Variants in NAALADL2 observed in about 807,000 individuals in gnomAD.
NAALADL2 encodes the protein inactive N-acetylated-alpha-linked acidic dipeptidase-like protein 2.
A neutral mutation model predicts 87.2 loss-of-function variants in NAALADL2; 76 were observed. That is an observed-to-expected ratio of 0.87 (90% CI 0.72 to 1.05). The LOEUF (loss-of-function observed/expected upper bound fraction) is 1.05. NAALADL2 is among the 50% of genes least tolerant of loss of function. NAALADL2 has a pLI of 0.00. For synonymous variants in NAALADL2, 354 were observed against 331.0 expected (o/e 1.07, Z -0.75); for missense variants, 1,089 against 945.8 (o/e 1.15, Z -1.99).
Position 174,829,222 on chromosome 3 carries a change from G to A in NAALADL2, c.-9+91476G>A, listed in dbSNP as rs867621139. ...GCTGGTGCGCTGCACCCACTAACTC[G>A]TCATCTAGCATTAGGTATATCTCCC... On this transcript the variant is annotated intron_variant, in intron 3 of 3. Transcript: ENST00000434257. Among the ~76,000 whole-genome samples the A allele has an allele frequency of 1.3e-4, 19 of 151,280 alleles. No individual in the cohort carries two copies. The Middle Eastern group carries it at 0.01, about 82-fold the overall frequency.
chr3:175,705,803 C>G (rs1739605215), intron 11 of NAALADL2, among the ~76,000 whole-genome samples: 3 of 152,056 alleles, frequency 2.0e-5, no homozygotes, highest in Non-Finnish European at 4.4e-5. Context: ...GTTAGCTTGA[C>G]CCAGACCCAG....
chr3:175,670,372 A>C (rs979567991), intron 11 of NAALADL2, among the ~76,000 whole-genome samples: 1 of 146,884 alleles, frequency 6.8e-6, no homozygotes, highest in Non-Finnish European at 1.5e-5. Flanking sequence ...TTTGTATTTT[A>C]ATCAAAATTA....
intron 3 of NAALADL2, among the ~76,000 whole-genome samples, chr3:174,748,810 C>A (rs1206638021): frequency 6.6e-6 from 1 of 152,114 alleles, no homozygotes; most frequent in Non-Finnish European, 1.5e-5. Flanking sequence ...ATCAGGTCTA[C>A]AATGCAATAA....
intron 13 of NAALADL2, among the ~76,000 whole-genome samples, chr3:175,775,618 T>A (rs1004219970): frequency 6.6e-6 from 1 of 152,136 alleles, no homozygotes; most frequent in Non-Finnish European, 1.5e-5. Context: ...TCTCATTAGA[T>A]GTTTCCTTAG....
In NAALADL2 at chr3:174,747,136, G is replaced by A. The variant is rs548316125; in HGVS notation, c.-9+9390G>A. 1.4e-4 allele frequency among the ~76,000 whole-genome samples: 22 copies of A among 151,932 alleles called. 1 individual carries two copies. In the South Asian group the frequency reaches 3.7e-3, roughly 26 times the overall value. ...CAAATGAAACTATCATCAGAGTGAA[G>A]AAAAAACCTACAGAATGAGAGAAAA... On this transcript the variant is annotated intron_variant, in intron 3 of 3. Transcript: ENST00000434257.
chr3:175,777,970 C>T (rs183372870), intron 13 of NAALADL2, among the ~76,000 whole-genome samples: 5 of 152,120 alleles, frequency 3.3e-5, no homozygotes, highest in South Asian at 2.1e-4. Flanking sequence ...AGTTAAAATA[C>T]GTTTAGCATA....
chr3:174,757,714 A>C (rs7611995), intron 3 of NAALADL2, among the ~76,000 whole-genome samples: 102,071 of 151,510 alleles, frequency 0.67, 34,474 homozygotes, highest in Non-Finnish European at 0.7. Context: ...CATATTGGCC[A>C]GGCTGGTCTC....
At chr3:174,780,734 G>C (rs185692208) in intron 3 of NAALADL2, among the ~76,000 whole-genome samples, 193 of 152,076 alleles carry the variant, frequency 1.3e-3, no homozygotes, top group Non-Finnish European at 1.6e-3. Flanking sequence ...CACCTGTTGA[G>C]ATAATCATGT....
At chr3:175,060,723 T>G (rs1334618364) in intron 1 of NAALADL2, among the ~76,000 whole-genome samples, 1 of 152,172 alleles carries the variant, frequency 6.6e-6, no homozygotes, top group Non-Finnish European at 1.5e-5. Flanking sequence ...TGGGACTCAG[T>G]GTGGACCACA....
At chr3:175,760,519 C>T (rs1747864026) in intron 13 of NAALADL2, among the ~76,000 whole-genome samples, 1 of 152,146 alleles carries the variant, frequency 6.6e-6, no homozygotes, top group African/African-American at 2.4e-5. Context: ...TGTTCCGGGA[C>T]CACGTAAGTG....
At chr3:175,768,895 G>C (rs145565609) in intron 13 of NAALADL2, among the ~76,000 whole-genome samples, 99 of 151,808 alleles carry the variant, frequency 6.5e-4, no homozygotes, top group African/African-American at 2.0e-3. Context: ...GAAAGGAGTG[G>C]TATAAAAAGA....
chr3:175,224,135 T>C (rs1743817408), intron 2 of NAALADL2, among the ~76,000 whole-genome samples: 1 of 151,934 alleles, frequency 6.6e-6, no homozygotes, highest in Non-Finnish European at 1.5e-5. Context: ...CAGGTAAATG[T>C]CAGAGCCCAC....
At chr3:174,801,705 A>G (rs1000556732) in intron 3 of NAALADL2, among the ~76,000 whole-genome samples, 1 of 152,024 alleles carries the variant, frequency 6.6e-6, no homozygotes, top group South Asian at 2.1e-4. Flanking sequence ...TCATGAAAGG[A>G]TGCTGGATTT....
chr3:175,304,966 A>G (rs1310630452), intron 4 of NAALADL2, among the ~76,000 whole-genome samples: 5 of 152,158 alleles, frequency 3.3e-5, no homozygotes, highest in African/African-American at 1.2e-4. Context: ...TACGTGAACT[A>G]AACTATAAAC....
intron 1 of NAALADL2, among the ~76,000 whole-genome samples, chr3:175,013,303 T>A (rs866413807): frequency 0.018 from 1,816 of 100,622 alleles, 24 homozygotes; most frequent in Middle Eastern, 0.039. Context: ...ATATATATAT[T>A]TTTTTTTTTT....
At chr3:175,046,827 G>A (rs766544284) in intron 1 of NAALADL2, among the ~76,000 whole-genome samples, 4 of 152,106 alleles carry the variant, frequency 2.6e-5, no homozygotes, top group Admixed American at 2.0e-4. Flanking sequence ...CCCTGCAAAC[G>A]TAGTGAAAGC....
chr3:175,503,103 C>T (rs930977262), intron 9 of NAALADL2, among the ~76,000 whole-genome samples: 1 of 151,916 alleles, frequency 6.6e-6, no homozygotes, highest in African/African-American at 2.4e-5. Context: ...CTCAAGTAGG[C>T]CTTGGTGTCT....
chr3:175,396,849 AG>A (rs1769862530), intron 5 of NAALADL2, among the ~76,000 whole-genome samples: 1 of 152,044 alleles, frequency 6.6e-6, no homozygotes, highest in Non-Finnish European at 1.5e-5. Flanking sequence ...CATGTGAAGA[AG>A]GACATGTTTG....
Position 175,396,897 on chromosome 3 carries a change from C to T in NAALADL2, c.1091-50332C>T, listed in dbSNP as rs576225685. Among the ~76,000 whole-genome samples the T allele has an allele frequency of 6.6e-5, 10 of 152,202 alleles. 1 individual carries two copies. The highest frequency in any genetic ancestry group is 2.2e-4 in the African/African-American group (9 of 41,540). On this transcript the variant is annotated intron_variant, in intron 5 of 13. Coordinates refer to ENST00000454872, the MANE Select transcript of NAALADL2 (RefSeq NM_207015.3). ...GCCATTATTATAAGTTTCCTGAGGC[C>T]TCCCCAACCCTGCAGAACTGTGAGT...
Sources: gnomAD v4.1 joint callset for allele counts (sites outside exome capture counted in the v4.1 genomes callset) on GRCh38, gnomAD v4.1.1 for gene constraint, MANE v1.5 for transcripts, NCBI Gene and HGNC (gene_info 2026-07-23, HGNC 2026-07-21) for gene names.